TYK2: variants seen among roughly 807,000 people sequenced by gnomAD.
TYK2 encodes the protein non-receptor tyrosine-protein kinase TYK2.
Under a neutral mutation model 130.9 loss-of-function variants are expected in TYK2, and 65 were observed. The observed-to-expected ratio is 0.50, with a 90% CI of 0.41 to 0.61. The LOEUF (loss-of-function observed/expected upper bound fraction) is 0.61. TYK2 is among the 20% of genes least tolerant of loss of function. TYK2 has a pLI of 0.00. For synonymous variants in TYK2, 647 were observed against 658.9 expected, an observed-to-expected ratio of 0.98 and a Z score of 0.28; for missense variants, 1,378 against 1,610.7, an observed-to-expected ratio of 0.86 and a Z score of 2.47.
chr19:10,362,636 C>G lies in TYK2; in HGVS notation c.1389G>C (p.Lys463Asn). The G allele has an allele frequency of 6.4e-7, 1 of 1,551,746 alleles. No individual in the cohort carries two copies. The highest frequency in any genetic ancestry group is 8.7e-7 in the Non-Finnish European group (1 of 1,146,974). ...GGTACAGGCCGTCCTCGGGCCGCAG[C>G]TTGGCCTGCACAAATGGCTCCCTGG... ...GPLLEPFVQA[K>N]LRPEDGLYLI... The change falls in exon 10 of 25, where the codon AAG (lysine) becomes AAC (asparagine). Residue 463 changes from lysine to asparagine, a missense_variant. Lys to Asn is a moderately conservative substitution (Grantham distance 94). Transcript: ENST00000525621.
chr19:10,362,064 T>C lies in TYK2; in HGVS notation c.1773+14A>G. ...GGGCCCTGCCCTTGCCCCGGGCCCCTTCCCTGCACCCACCTGGGTGATCTC... is the reference window on the plus strand; with the variant it reads ...GGGCCCTGCCCTTGCCCCGGGCCCCCTCCCTGCACCCACCTGGGTGATCTC... On this transcript the variant is annotated intron_variant, in intron 12 of 24. Coordinates refer to ENST00000525621, the MANE Select transcript of TYK2 (RefSeq NM_003331.5). 1.2e-6 allele frequency: 2 copies of C among 1,613,862 alleles called. 1 individual carries two copies. The highest frequency in any genetic ancestry group is 2.2e-5 in the South Asian group (2 of 91,066).
Position 10,357,795 on chromosome 19 carries a change from T to C in TYK2, c.2435A>G (p.Glu812Gly), listed in dbSNP as rs528324154. The change falls in exon 17 of 25, where the codon GAG becomes GGG. Residue 812 changes from glutamate to glycine, a missense_variant. Transcript: ENST00000525621. ...ATLLEICFDG[E>G]APLQSRSPSE... ...GGGACTGCGGCTCTGCAGAGGGGCC[T>C]CTCCGTCAAAGCAGATCTCCAGGAG... 9 of 1,613,096 alleles carry C rather than the reference T, an allele frequency of 5.6e-6. No homozygotes were observed. In the Admixed American group the frequency reaches 1.5e-4, roughly 27 times the overall value.
At chr19:10,359,431 A>G in intron 14 of TYK2, 129 bp from the exon 15 acceptor site, 1 of 1,168,220 alleles carries the variant, frequency 8.6e-7, no homozygotes, top group Non-Finnish European at 1.2e-6. Flanking sequence ...GTGTGGGTGG[A>G]GTTTGGTCTG....
chr19:10,363,621 G>A (rs2041515531), intron 9 of TYK2, among the ~76,000 whole-genome samples: 1 of 152,138 alleles, frequency 6.6e-6, no homozygotes, highest in Non-Finnish European at 1.5e-5. Flanking sequence ...ACGGTGGATG[G>A]CCAATCACAC....
At position 10,368,080 on chromosome 19, in the gene TYK2, G is replaced by T. The variant is rs150331673; in HGVS notation, c.440C>A (p.Ala147Asp). The change falls in exon 5 of 25, where the codon GCC becomes GAC. Residue 147 changes from alanine to aspartate, a missense_variant. By Grantham distance (126) the Ala-to-Asp change is moderately radical. Coordinates refer to ENST00000525621, the MANE Select transcript of TYK2 (RefSeq NM_003331.5). ...CTGCTCAAAGAGGTACTCAAATGAGGCTGGGTCCAGGAGTTGCATCCCCTG... is the reference window on the plus strand; with the variant it reads ...CTGCTCAAAGAGGTACTCAAATGAGTCTGGGTCCAGGAGTTGCATCCCCTG... ...TAQGMQLLDP[A>D]SFEYLFEQGK... The T allele has an allele frequency of 1.6e-5, 26 of 1,614,042 alleles. No individual in the cohort carries two copies. The highest frequency in any genetic ancestry group is 5.9e-6 in the Non-Finnish European group (7 of 1,180,026).
chr19:10,360,722 G>A (rs1454470671), intron 14 of TYK2, among the ~76,000 whole-genome samples: 2 of 151,714 alleles, frequency 1.3e-5, no homozygotes, highest in Non-Finnish European at 2.9e-5. Context: ...GTGGGTCTAG[G>A]GTTGTTCTGT....
intron 3 of TYK2, among the ~76,000 whole-genome samples, chr19:10,377,898 G>A (rs536473079): frequency 7.8e-5 from 5 of 64,248 alleles, no homozygotes; most frequent in Non-Finnish European, 1.2e-4. Context: ...GGATGGGTGG[G>A]TGGGTGGGTG....
At chr19:10,358,691 G>A (rs923211647) in intron 15 of TYK2, among the ~76,000 whole-genome samples, 1 of 151,470 alleles carries the variant, frequency 6.6e-6, no homozygotes, top group African/African-American at 2.4e-5. Flanking sequence ...CCTGACCTCA[G>A]GTGATCCACC....
At chr19:10,368,511 C>T (rs1421548014) in intron 3 of TYK2, 93 bp from the exon 4 acceptor site, 1 of 1,577,266 alleles carries the variant, frequency 6.3e-7, no homozygotes, top group African/African-American at 1.3e-5. Context: ...TTCACACTCC[C>T]TCTGAGGCCC....
rs768565773 is a variant in TYK2, at chr19:10,361,823, C to G, written c.1906G>C (p.Glu636Gln). 3 of 1,613,998 alleles carry G rather than the reference C, an allele frequency of 1.9e-6. No homozygotes were observed. Among genetic ancestry groups the G allele is most frequent in the Non-Finnish European group, 2.5e-6 (3 of 1,180,002 alleles). The change falls in exon 13 of 25, where the codon GAG becomes CAG. Residue 636 changes from glutamate (E) to glutamine (Q), a missense_variant. By Grantham distance (29) the Glu-to-Gln change is conservative (BLOSUM62 2). Coordinates refer to ENST00000525621, the MANE Select transcript of TYK2 (RefSeq NM_003331.5). The surrounding 1 kb of genome is among the most constrained non-coding windows in gnomAD (Gnocchi z 4.0). ...PLVPGRDRGQ[E>Q]LRVVLKVLDP... ...AGCACTTTGAGCACCACTCGTAGCT[C>G]CTGCCCACGGTCCCTGCCAGGCACG...
In TYK2 at chr19:10,353,860, A is replaced by G. The variant is rs2040939940; in HGVS notation, c.2908+182T>C. ...CCCGTCCATCCTGGCCCCAGCAGGT[A>G]GCACCCCCCAGATGGGAAGGAGGCA... On this transcript the variant is annotated intron_variant, in intron 20 of 24. Coordinates refer to ENST00000525621, the MANE Select transcript of TYK2 (RefSeq NM_003331.5). This position sits in a 1 kb window ranked among gnomAD's most constrained non-coding sequence, Gnocchi z 6.9. The G allele has an allele frequency of 1.4e-6, 1 of 737,874 alleles. No individual in the cohort carries two copies. Among genetic ancestry groups the G allele is most frequent in the South Asian group, 1.7e-5 (1 of 58,140 alleles). The allele number at this position is 737,874 out of a possible 1,614,324, so 45.7% of individuals were successfully genotyped here. A position where few individuals can be genotyped will look rare whatever the true frequency, so the allele number is the denominator to read the frequency against.
intron 23 of TYK2, 134 bp downstream of exon 23, chr19:10,352,300 C>G: frequency 1.4e-6 from 1 of 718,736 alleles, no homozygotes. Context: ...TCTCGATCTC[C>G]TGACCTCGTG....
chr19:10,354,011 A>C (rs280497), intron 20 of TYK2, 31 bp downstream of exon 20: 2 of 1,610,858 alleles, frequency 1.2e-6, no homozygotes. Flanking sequence ...ACGCCCCCTC[A>C]AGTCTCTAGG....
At chr19:10,372,484 A>ATTTTTTTTTTTT (rs1170442654) in intron 3 of TYK2, among the ~76,000 whole-genome samples, 2 of 37,424 alleles carry the variant, frequency 5.3e-5, no homozygotes, top group African/African-American at 1.3e-4. Flanking sequence ...ATATATATAT[A>ATTTTTTTTTTTT]TTTTTTTTTT....
At chr19:10,367,476 T>C (rs879939340) in intron 5 of TYK2, among the ~76,000 whole-genome samples, 3 of 151,508 alleles carry the variant, frequency 2.0e-5, no homozygotes, top group Non-Finnish European at 2.9e-5. Flanking sequence ...AATAGAAAAA[T>C]TAGCCTGGGG....
intron 3 of TYK2, among the ~76,000 whole-genome samples, chr19:10,369,041 T>G (rs1351808244): frequency 6.6e-6 from 1 of 152,132 alleles, no homozygotes; most frequent in Non-Finnish European, 1.5e-5. Flanking sequence ...ACTCCTGACC[T>G]CAGGTGATCT....
Position 10,356,578 on chromosome 19 carries a change from C to T in TYK2, c.2607G>A (p.Leu869=). Residue 869 remains leucine (L), a synonymous_variant, in exon 18 of 25, where the codon CTG becomes CTA. Coordinates refer to ENST00000525621, the MANE Select transcript of TYK2 (RefSeq NM_003331.5). ...FRTILRDLTR[L]QPHNLADVLT... is the part of the protein sequence containing the mutation. The stretch of plus-strand genomic sequence containing the variant: ...TGGGATGGAGCTCACTGTGGGGCTG[C>T]AGCCGGGTGAGGTCACGCAGGATGG... 4 of 1,613,164 alleles carry T rather than the reference C, an allele frequency of 2.5e-6. No homozygotes were observed. Among genetic ancestry groups the T allele is most frequent in the Non-Finnish European group, 3.4e-6 (4 of 1,179,988 alleles).
chr19:10,370,728 G>T (rs753636580), intron 3 of TYK2, among the ~76,000 whole-genome samples: 2 of 150,270 alleles, frequency 1.3e-5, no homozygotes, highest in African/African-American at 4.9e-5. Context: ...TGAGGCAAGA[G>T]AATTGCTTGA....
In TYK2 at chr19:10,350,578, T is replaced by G; in HGVS notation, c.*256A>C. ...TACCAGATGGTGGAGATGGTGGGCC[T>G]CAAGTTTGGAAGCTGGGGGATTTAA... is the stretch of plus-strand genomic sequence containing the variant. On this transcript the variant is annotated 3_prime_UTR_variant, in exon 25 of 25. Coordinates refer to ENST00000525621, the MANE Select transcript of TYK2 (RefSeq NM_003331.5). The G allele has an allele frequency of 1.9e-6, 1 of 521,182 alleles. No individual in the cohort carries two copies. Among genetic ancestry groups the G allele is most frequent in the Admixed American group, 3.2e-5 (1 of 31,114 alleles). 32.3% of individuals were successfully genotyped at this position (521,182 alleles called of 1,614,324 possible).
Sources: gnomAD v4.1 joint callset for allele counts (sites outside exome capture counted in the v4.1 genomes callset) on GRCh38, gnomAD v4.1.1 for gene constraint, Gnocchi (gnomAD v3.1) non-coding constraint, MANE v1.5 for transcripts, NCBI Gene and HGNC (gene_info 2026-07-23, HGNC 2026-07-21) for gene names.